PTPRD: variants seen among roughly 807,000 people sequenced by gnomAD.
PTPRD encodes protein tyrosine phosphatase receptor type D.
Under a neutral mutation model 214.5 loss-of-function variants are expected in PTPRD, and 34 were observed. The observed-to-expected ratio is 0.16, with a 90% CI of 0.12 to 0.21. The LOEUF (loss-of-function observed/expected upper bound fraction) is 0.21, where lower values mean the gene tolerates loss of function less well. PTPRD is among the 10% of genes least tolerant of loss of function. The probability of loss-of-function intolerance (pLI) is 1.00; values close to 1 mark genes in which losing one functional copy is unlikely to be tolerated. For synonymous variants in PTPRD, 1,128 were observed against 845.7 expected, an observed-to-expected ratio of 1.33 and a Z score of -5.79; for missense variants, 2,545 against 2,398.7, an observed-to-expected ratio of 1.06 and a Z score of -1.27.
chr9:8,810,404 T>C (rs578207665), intron 11 of PTPRD, among the ~76,000 whole-genome samples: 2 of 152,296 alleles, frequency 1.3e-5, no homozygotes, highest in African/African-American at 4.8e-5. Flanking sequence ...AATTCAAACA[T>C]CACCCTGGAT....
intron 12 of PTPRD, among the ~76,000 whole-genome samples, chr9:8,675,105 T>C (rs2097373567): frequency 6.6e-6 from 1 of 152,140 alleles, no homozygotes; most frequent in Non-Finnish European, 1.5e-5. Context: ...TAAGTGGATG[T>C]CGCATACACT....
At chr9:10,129,438 T>C (rs1028914825) in intron 3 of PTPRD, among the ~76,000 whole-genome samples, 3 of 152,048 alleles carry the variant, frequency 2.0e-5, no homozygotes, top group Non-Finnish European at 2.9e-5. Context: ...ATTGACATGA[T>C]TGACCACTCT....
intron 5 of PTPRD, among the ~76,000 whole-genome samples, chr9:9,791,008 G>A (rs185511508): frequency 3.1e-4 from 47 of 152,184 alleles, no homozygotes; most frequent in African/African-American, 5.5e-4. Flanking sequence ...ACCAGAAAAC[G>A]TAATAGATAA....
intron 2 of PTPRD, among the ~76,000 whole-genome samples, chr9:10,427,493 A>G (rs1283277130): frequency 1.3e-5 from 2 of 152,004 alleles, no homozygotes; most frequent in Non-Finnish European, 2.9e-5. Context: ...CTTAGTAAGC[A>G]TTACTCCAGA....
intron 3 of PTPRD, among the ~76,000 whole-genome samples, chr9:10,269,349 C>A (rs2475355): frequency 0.18 from 27,596 of 152,032 alleles, 2,606 homozygotes; most frequent in East Asian, 0.24. Context: ...ATGAGATAAA[C>A]ATGTGGTTCC....
intron 7 of PTPRD, among the ~76,000 whole-genome samples, chr9:9,642,924 A>G (rs1324774344): frequency 6.6e-6 from 1 of 152,230 alleles, no homozygotes; most frequent in Non-Finnish European, 1.5e-5. Flanking sequence ...TGCAAAATCT[A>G]AGTGTCAAAC....
intron 5 of PTPRD, among the ~76,000 whole-genome samples, chr9:9,881,760 A>G (rs1020632225): frequency 2.0e-5 from 3 of 152,182 alleles, no homozygotes; most frequent in Non-Finnish European, 4.4e-5. Context: ...GGATTTTCAG[A>G]GTAACCATAT....
At chr9:8,539,625 T>C (rs768522813) in intron 14 of PTPRD, among the ~76,000 whole-genome samples, 3 of 152,050 alleles carry the variant, frequency 2.0e-5, no homozygotes, top group Non-Finnish European at 4.4e-5. Flanking sequence ...ATTCAAATTC[T>C]TGTGCTGAGA....
intron 5 of PTPRD, among the ~76,000 whole-genome samples, chr9:9,862,423 T>C (rs1419783475): frequency 2.0e-5 from 3 of 152,332 alleles, no homozygotes; most frequent in Non-Finnish European, 2.9e-5. Flanking sequence ...TAAGTGTCAG[T>C]AGTTCTTCAA....
At chr9:9,090,806 C>T in intron 10 of PTPRD, 1 of 704,794 alleles carries the variant, frequency 1.4e-6, no homozygotes, top group Non-Finnish European at 2.6e-6. Flanking sequence ...TCAAATAACT[C>T]TTAATGACAT....
intron 3 of PTPRD, among the ~76,000 whole-genome samples, chr9:10,258,135 A>G (rs1300376022): frequency 6.6e-6 from 1 of 152,184 alleles, no homozygotes; most frequent in Non-Finnish European, 1.5e-5. Context: ...GATTGGATGT[A>G]TTATCCCAAC....
chr9:9,925,739 C>T (rs1233163557), intron 5 of PTPRD, among the ~76,000 whole-genome samples: 1 of 150,536 alleles, frequency 6.6e-6, no homozygotes, highest in Non-Finnish European at 1.5e-5. Context: ...CTTCTATGCA[C>T]CTTTTTTCCT....
chr9:9,570,002 C>T (rs16929772), intron 8 of PTPRD, among the ~76,000 whole-genome samples: 3,255 of 151,302 alleles, frequency 0.022, 124 homozygotes, highest in African/African-American at 0.074. Context: ...CTCATCAGAA[C>T]TAGAACTCCA....
chr9:8,420,004 T>C (rs1478224953), intron 35 of PTPRD, among the ~76,000 whole-genome samples: 3 of 152,132 alleles, frequency 2.0e-5, no homozygotes, highest in East Asian at 1.9e-4. Flanking sequence ...TTTGTATGTA[T>C]TGAGTGTCAG....
intron 2 of PTPRD, among the ~76,000 whole-genome samples, chr9:10,466,123 TC>T (rs1348883831): frequency 1.3e-5 from 2 of 152,168 alleles, no homozygotes; most frequent in Admixed American, 1.3e-4. Flanking sequence ...AATCTTTTCT[TC>T]ACGGTATTTG....
chr9:8,459,495 T>C (rs2096318680), intron 33 of PTPRD, among the ~76,000 whole-genome samples: 1 of 152,042 alleles, frequency 6.6e-6, no homozygotes, highest in Non-Finnish European at 1.5e-5. Flanking sequence ...GAAAGTATAT[T>C]ATATGCTACT....
At chr9:8,521,816 A>G (rs1041970508) in intron 19 of PTPRD, among the ~76,000 whole-genome samples, 4 of 152,222 alleles carry the variant, frequency 2.6e-5, no homozygotes, top group Non-Finnish European at 5.9e-5. Flanking sequence ...ACAAAAAACT[A>G]TCTACAAACT....
intron 10 of PTPRD, among the ~76,000 whole-genome samples, chr9:9,100,208 C>A (rs2099789376): frequency 6.6e-6 from 1 of 151,994 alleles, no homozygotes; most frequent in Non-Finnish European, 1.5e-5. Flanking sequence ...TGGCTTCTTA[C>A]CATAATTCAA....
chr9:8,579,559 C>G (rs1392668662), intron 14 of PTPRD, among the ~76,000 whole-genome samples: 1 of 152,152 alleles, frequency 6.6e-6, no homozygotes, highest in East Asian at 1.9e-4. Context: ...AAAAAACCCA[C>G]AGTGCCTGTC....
Sources: allele counts gnomAD v4.1 joint callset (sites outside exome capture counted in the v4.1 genomes callset), GRCh38; gene constraint gnomAD v4.1.1; transcripts MANE v1.5; gene names NCBI Gene and HGNC (gene_info 2026-07-23, HGNC 2026-07-21).